KIAA0825: variants seen among roughly 807,000 people sequenced by gnomAD.
KIAA0825 encodes uncharacterized protein KIAA0825.
In KIAA0825, 119 loss-of-function variants were observed where a neutral mutation model predicts 147.6. That is an observed-to-expected ratio of 0.81 (90% confidence interval 0.69 to 0.94). The LOEUF (loss-of-function observed/expected upper bound fraction) is 0.94. KIAA0825 is among the 40% of genes least tolerant of loss of function. The pLI is 0.00. For missense variants in KIAA0825, 1,381 were observed against 1,472.7 expected, an observed-to-expected ratio of 0.94 and a Z score of 1.02; for synonymous variants, 470 against 518.1, an observed-to-expected ratio of 0.91 and a Z score of 1.26.
rs1445914411 is a variant in KIAA0825 at position 94,179,699 on chromosome 5, G to C, written c.3711-25575C>G. On this transcript the variant is annotated intron_variant, in intron 20 of 20. Coordinates refer to ENST00000682413, the MANE Select transcript of KIAA0825 (RefSeq NM_001145678.3). ...ATGAGCCTGGAGCATCTGAAAGTAAGGAAGTAAAGGAAAAGAAAAAACGAT... is the reference window on the plus strand; with the variant it reads ...ATGAGCCTGGAGCATCTGAAAGTAACGAAGTAAAGGAAAAGAAAAAACGAT... Among the ~76,000 whole-genome samples, 3 of 151,986 alleles carry C rather than the reference G, an allele frequency of 2.0e-5. No homozygotes were observed. The East Asian group carries it at 5.8e-4, about 29-fold the overall frequency.
chr5:94,271,788 C>T (rs1221709266), intron 20 of KIAA0825, among the ~76,000 whole-genome samples: 1 of 151,830 alleles, frequency 6.6e-6, no homozygotes, highest in Non-Finnish European at 1.5e-5. Context: ...TAGACCTACC[C>T]TATGATCCAA....
At chr5:94,323,539 T>G (rs921902333) in intron 20 of KIAA0825, among the ~76,000 whole-genome samples, 1 of 148,406 alleles carries the variant, frequency 6.7e-6, no homozygotes, top group African/African-American at 2.5e-5. Context: ...TACATGCTTT[T>G]CCCAAAAGCT....
At chr5:94,524,993 C>T (rs1245884059) in intron 3 of KIAA0825, among the ~76,000 whole-genome samples, 1 of 151,708 alleles carries the variant, frequency 6.6e-6, no homozygotes, top group Non-Finnish European at 1.5e-5. Flanking sequence ...AAACTGGTGA[C>T]CTTTAGCAGA....
intron 20 of KIAA0825, among the ~76,000 whole-genome samples, chr5:94,193,186 C>T (rs1004921943): frequency 1.1e-4 from 16 of 152,122 alleles, no homozygotes; most frequent in African/African-American, 3.9e-4. Context: ...GAGGTGAGCA[C>T]ATGAATGAAG....
At chr5:94,157,024 A>G (rs1303064362) in intron 20 of KIAA0825, among the ~76,000 whole-genome samples, 1 of 152,140 alleles carries the variant, frequency 6.6e-6, no homozygotes, top group Non-Finnish European at 1.5e-5. Context: ...GAATCTACCA[A>G]TTTGTTAAAC....
intron 5 of KIAA0825, among the ~76,000 whole-genome samples, chr5:94,498,525 C>T (rs890921655): frequency 6.6e-6 from 1 of 152,184 alleles, no homozygotes; most frequent in Admixed American, 6.5e-5. Flanking sequence ...GCCCATTCTT[C>T]CAGAGGTTTA....
At chr5:94,419,992 C>T (rs1753964269) in intron 14 of KIAA0825, among the ~76,000 whole-genome samples, 1 of 152,066 alleles carries the variant, frequency 6.6e-6, no homozygotes, top group Non-Finnish European at 1.5e-5. Flanking sequence ...TCAGGGAACA[C>T]AGACAAGTTA....
At chr5:94,325,827 C>T (rs1183519255) in intron 20 of KIAA0825, among the ~76,000 whole-genome samples, 4 of 151,776 alleles carry the variant, frequency 2.6e-5, no homozygotes, top group Admixed American at 6.6e-5. Context: ...CTTAAAATTA[C>T]GGAGGGAGTT....
chr5:94,440,432 T>A (rs1173375645), intron 13 of KIAA0825, among the ~76,000 whole-genome samples: 1 of 152,234 alleles, frequency 6.6e-6, no homozygotes, highest in Non-Finnish European at 1.5e-5. Flanking sequence ...TTATGCATTT[T>A]TTGAATGCAT....
intron 1 of KIAA0825, among the ~76,000 whole-genome samples, chr5:94,615,089 G>A (rs1340592837): frequency 6.6e-6 from 1 of 151,268 alleles, no homozygotes; most frequent in East Asian, 1.9e-4. Context: ...AAGCATGGCT[G>A]TGATTTTTTT....
At chr5:94,230,299 G>T (rs1338979440) in intron 20 of KIAA0825, among the ~76,000 whole-genome samples, 3 of 152,142 alleles carry the variant, frequency 2.0e-5, no homozygotes, top group Admixed American at 6.6e-5. Flanking sequence ...TCAACCTAGA[G>T]TGTTCCTAAT....
chr5:94,159,479 C>G (rs1378418847), intron 20 of KIAA0825, among the ~76,000 whole-genome samples: 2 of 152,080 alleles, frequency 1.3e-5, no homozygotes, highest in Non-Finnish European at 2.9e-5. Flanking sequence ...GAGCTCCTAC[C>G]TTGATGTGCT....
chr5:94,601,170 G>A (rs935851128), intron 1 of KIAA0825, among the ~76,000 whole-genome samples: 3 of 152,052 alleles, frequency 2.0e-5, no homozygotes, highest in Non-Finnish European at 4.4e-5. Context: ...TGTACATTTG[G>A]GCCAATAACA....
At chr5:94,314,437 A>T (rs1305200993) in intron 20 of KIAA0825, among the ~76,000 whole-genome samples, 1 of 151,708 alleles carries the variant, frequency 6.6e-6, no homozygotes, top group African/African-American at 2.4e-5. Flanking sequence ...TCAAGGCACC[A>T]TGTTAAAAAC....
chr5:94,507,463 C>CA (rs1765889185), intron 5 of KIAA0825, among the ~76,000 whole-genome samples: 1 of 149,330 alleles, frequency 6.7e-6, no homozygotes, highest in African/African-American at 2.5e-5. Flanking sequence ...CCGCCCCCCC[C>CA]AAAAAAACCT....
chr5:94,524,533 G>A (rs1402502427), intron 3 of KIAA0825, among the ~76,000 whole-genome samples: 1 of 151,650 alleles, frequency 6.6e-6, no homozygotes. Flanking sequence ...AAGTCATGAA[G>A]TAGTTATAAA....
chr5:94,398,911 G>A (rs1751019654), intron 16 of KIAA0825, among the ~76,000 whole-genome samples: 1 of 152,032 alleles, frequency 6.6e-6, no homozygotes, highest in Non-Finnish European at 1.5e-5. Context: ...AAGTCACTCT[G>A]TTCCAAAAAA....
chr5:94,361,824 A>G (rs1745104542), intron 20 of KIAA0825, among the ~76,000 whole-genome samples: 1 of 152,212 alleles, frequency 6.6e-6, no homozygotes, highest in South Asian at 2.1e-4. Flanking sequence ...CTGCCAGTTC[A>G]GAGCAACAAA....
intron 3 of KIAA0825, among the ~76,000 whole-genome samples, chr5:94,525,201 C>A (rs373886016): frequency 5.3e-5 from 8 of 151,878 alleles, no homozygotes; most frequent in South Asian, 2.1e-4. Flanking sequence ...GTTTTGAAAA[C>A]GTAACTGCTA....
Sources: gnomAD v4.1 joint callset for allele counts (sites outside exome capture counted in the v4.1 genomes callset) on GRCh38, gnomAD v4.1.1 for gene constraint, MANE v1.5 for transcripts, NCBI Gene and HGNC (gene_info 2026-07-23, HGNC 2026-07-21) for gene names.